The following NKAIN3 variants were observed in gnomAD, a reference collection of about 807,000 sequenced individuals.
NKAIN3 encodes sodium/potassium transporting ATPase interacting 3.
NKAIN3 carries 25 observed loss-of-function variants against 30.2 expected under a neutral mutation model. The ratio of observed to expected loss-of-function variants is 0.83; its 90% CI spans 0.60 to 1.16. The LOEUF (loss-of-function observed/expected upper bound fraction) is 1.16. NKAIN3 is among the 50% of genes most tolerant of loss of function. The pLI, the probability that NKAIN3 is intolerant of heterozygous loss-of-function variation, is 0.00. For synonymous variants in NKAIN3, 91 were observed against 89.6 expected (o/e 1.02, Z -0.09); for missense variants, 225 against 254.1 (o/e 0.89, Z 0.78).
intron 6 of NKAIN3, among the ~76,000 whole-genome samples, chr8:62,964,547 T>A (rs200784782): frequency 0.088 from 12,533 of 142,052 alleles, 625 homozygotes; most frequent in East Asian, 0.2. Context: ...AGTGTGTGTG[T>A]GTGTGTGTGT....
intron 3 of NKAIN3, among the ~76,000 whole-genome samples, chr8:62,744,678 T>C (rs1816010672): frequency 6.6e-6 from 1 of 152,188 alleles, no homozygotes; most frequent in Admixed American, 6.5e-5. Context: ...GAGCAATCAG[T>C]GTGCATCTCT....
chr8:62,709,242 A>C (rs992061712), intron 3 of NKAIN3, among the ~76,000 whole-genome samples: 2 of 152,140 alleles, frequency 1.3e-5, no homozygotes, highest in African/African-American at 4.8e-5. Flanking sequence ...TCATAGAATG[A>C]ATTAGGCAGG....
chr8:62,646,432 T>C (rs750546537), intron 3 of NKAIN3, among the ~76,000 whole-genome samples: 5 of 152,150 alleles, frequency 3.3e-5, no homozygotes, highest in Non-Finnish European at 5.9e-5. Context: ...TCATTTAAGA[T>C]ACTAAAGAGA....
chr8:62,635,934 C>T (rs1812112572), intron 3 of NKAIN3, among the ~76,000 whole-genome samples: 1 of 151,988 alleles, frequency 6.6e-6, no homozygotes, highest in African/African-American at 2.4e-5. Context: ...TGGAAAAATC[C>T]AAGACAAAAT....
intron 4 of NKAIN3, among the ~76,000 whole-genome samples, chr8:62,834,789 A>G (rs377186588): frequency 6.6e-6 from 1 of 152,168 alleles, no homozygotes; most frequent in Non-Finnish European, 1.5e-5. Flanking sequence ...TGTTATTCCT[A>G]TCAAATTACC....
intron 3 of NKAIN3, among the ~76,000 whole-genome samples, chr8:62,724,578 T>G (rs1416901287): frequency 6.6e-6 from 1 of 152,116 alleles, no homozygotes; most frequent in African/African-American, 2.4e-5. Context: ...TATATCCTAA[T>G]GAATTCCATA....
chr8:62,922,312 G>A (rs980535732), intron 5 of NKAIN3, among the ~76,000 whole-genome samples: 1 of 152,148 alleles, frequency 6.6e-6, no homozygotes, highest in East Asian at 1.9e-4. Context: ...CTAAGAAAAT[G>A]AGGTGATATT....
chr8:62,872,574 T>C (rs1389772587), intron 4 of NKAIN3, among the ~76,000 whole-genome samples: 1 of 152,214 alleles, frequency 6.6e-6, no homozygotes, highest in Non-Finnish European at 1.5e-5. Context: ...CTCACTTCAG[T>C]TTTTGAGCAT....
chr8:62,318,144 G>C (rs903249756), intron 1 of NKAIN3, among the ~76,000 whole-genome samples: 1 of 152,178 alleles, frequency 6.6e-6, no homozygotes, highest in African/African-American at 2.4e-5. Flanking sequence ...CTGTGACTTT[G>C]CTGAAGTTGC....
At chr8:62,404,289 T>G (rs72649396) in intron 1 of NKAIN3, among the ~76,000 whole-genome samples, 10,299 of 152,156 alleles carry the variant, frequency 0.068, 499 homozygotes, top group Non-Finnish European at 0.097. Flanking sequence ...TTGGAGAACT[T>G]TTGGAAGGGC....
intron 4 of NKAIN3, among the ~76,000 whole-genome samples, chr8:62,829,739 A>AGAC (rs1819135717): frequency 2.1e-5 from 2 of 97,106 alleles, no homozygotes; most frequent in African/African-American, 7.7e-5. Flanking sequence ...CTAGATAGAT[A>AGAC]GATGATAGAT....
intron 1 of NKAIN3, among the ~76,000 whole-genome samples, chr8:62,551,987 T>G (rs993105932): frequency 6.6e-6 from 1 of 152,204 alleles, no homozygotes; most frequent in Non-Finnish European, 1.5e-5. Context: ...TCATTAAAAA[T>G]GTGGGCCTTT....
At chr8:62,791,501 C>T (rs1325682803) in intron 4 of NKAIN3, among the ~76,000 whole-genome samples, 2 of 151,996 alleles carry the variant, frequency 1.3e-5, no homozygotes, top group African/African-American at 4.8e-5. Flanking sequence ...AATCATAATC[C>T]TCAATATTAT....
chr8:62,815,386 C>T (rs4339640), intron 4 of NKAIN3, among the ~76,000 whole-genome samples: 26,247 of 151,906 alleles, frequency 0.17, 2,407 homozygotes, highest in East Asian at 0.28. Flanking sequence ...CAGCATCATC[C>T]TGACACCAAA....
intron 4 of NKAIN3, among the ~76,000 whole-genome samples, chr8:62,775,311 C>T (rs1264530733): frequency 1.3e-5 from 2 of 149,304 alleles, no homozygotes; most frequent in African/African-American, 5.0e-5. Flanking sequence ...CTTCATTTAC[C>T]TTGCTAAAAA....
Position 62,739,868 on chromosome 8 carries a change from T to A in NKAIN3, c.274-7064T>A, listed in dbSNP as rs542964169. On this transcript the variant is annotated intron_variant, in intron 3 of 6. Transcript: ENST00000623646. ...TGTAGGCTGCTCTTTATAGCCAACA[T>A]CAGTGGCAAAAGTCCAAATGATTAT... Among the ~76,000 whole-genome samples the A allele has an allele frequency of 3.3e-5, 5 of 152,266 alleles. No individual in the cohort carries two copies. In the East Asian group the frequency reaches 5.8e-4, roughly 18 times the overall value.
intron 4 of NKAIN3, among the ~76,000 whole-genome samples, chr8:62,900,681 T>A (rs1185927631): frequency 6.6e-6 from 1 of 152,236 alleles, no homozygotes; most frequent in Non-Finnish European, 1.5e-5. Context: ...GCACTAGATA[T>A]CCATTATCTT....
At chr8:62,350,878 T>A (rs766091651) in intron 1 of NKAIN3, among the ~76,000 whole-genome samples, 100 of 151,494 alleles carry the variant, frequency 6.6e-4, no homozygotes, top group Non-Finnish European at 1.3e-3. Flanking sequence ...TTAATAGATA[T>A]AGGGTTTCAC....
intron 1 of NKAIN3, among the ~76,000 whole-genome samples, chr8:62,267,671 G>A (rs1255761946): frequency 6.6e-6 from 1 of 152,100 alleles, no homozygotes; most frequent in Non-Finnish European, 1.5e-5. Context: ...TTGTTCAATA[G>A]GTATTCACTG....
Sources: gnomAD v4.1 joint callset for allele counts (sites outside exome capture counted in the v4.1 genomes callset) on GRCh38, gnomAD v4.1.1 for gene constraint, MANE v1.5 for transcripts, NCBI Gene and HGNC (gene_info 2026-07-23, HGNC 2026-07-21) for gene names.